Variants in CIB2 observed in about 807,000 individuals in gnomAD.
CIB2 encodes the protein calcium and integrin binding family member 2, also known as calcium and integrin-binding family member 2.
Under a neutral mutation model 23.1 loss-of-function variants are expected in CIB2, and 19 were observed. The observed-to-expected ratio is 0.82, with a 90% CI of 0.57 to 1.21. CIB2 has a LOEUF of 1.21. Among genes scored for constraint, CIB2 ranks in the 50% most tolerant of loss-of-function variants. The pLI is 0.00. For missense variants in CIB2, 220 were observed against 241.5 expected (o/e 0.91, Z 0.59); for synonymous variants, 94 against 91.7 (o/e 1.03, Z -0.14).
chr15:78,113,771 C>T (rs2074196862), intron 2 of CIB2, among the ~76,000 whole-genome samples: 1 of 152,166 alleles, frequency 6.6e-6, no homozygotes, highest in South Asian at 2.1e-4. Context: ...ACCTCATGAT[C>T]CGCCCACCTC....
chr15:78,105,413 G>T, intron 5 of CIB2, 81 bp from the exon 6 acceptor site: 1 of 1,599,958 alleles, frequency 6.3e-7, no homozygotes, highest in Admixed American at 1.7e-5. Flanking sequence ...AGCACAGCAG[G>T]CCCCAGCCCC....
intron 5 of CIB2, 73 bp downstream of exon 5, chr15:78,105,665 TA>T (rs2074055893): frequency 1.3e-5 from 21 of 1,607,128 alleles, no homozygotes; most frequent in Non-Finnish European, 1.8e-5. Flanking sequence ...TAGCGAGTGA[TA>T]GGGGCCTCAG....
At chr15:78,107,211 G>A (rs923305797) in intron 4 of CIB2, among the ~76,000 whole-genome samples, 3 of 152,070 alleles carry the variant, frequency 2.0e-5, no homozygotes, top group Non-Finnish European at 2.9e-5. Context: ...CTCCAGCCTC[G>A]TTGACAGAGC....
intron 2 of CIB2, among the ~76,000 whole-genome samples, chr15:78,123,275 A>T (rs1468936399): frequency 6.6e-6 from 1 of 152,028 alleles, no homozygotes; most frequent in Admixed American, 6.5e-5. Context: ...ACAGACAGGG[A>T]CTCCCTGCTA....
intron 2 of CIB2, among the ~76,000 whole-genome samples, chr15:78,112,794 C>A (rs1218093643): frequency 6.6e-6 from 1 of 152,176 alleles, no homozygotes; most frequent in Non-Finnish European, 1.5e-5. Flanking sequence ...ACACCCCAGG[C>A]CCACCTTTAT....
At chr15:78,114,350 C>G (rs1174920101) in intron 2 of CIB2, among the ~76,000 whole-genome samples, 1 of 151,982 alleles carries the variant, frequency 6.6e-6, no homozygotes, top group East Asian at 1.9e-4. Context: ...ATTTGAAAAC[C>G]CAAATCACTG....
rs942499314 is a variant in CIB2 at position 78,108,514 on chromosome 15, C to T, written c.346+721G>A. On this transcript the variant is annotated intron_variant, in intron 4 of 5. Coordinates refer to ENST00000258930, the MANE Select transcript of CIB2 (RefSeq NM_006383.4). ...GAGTCCTTGGCTCATGAGTGCCCGC[C>T]GCCCTCTGGTGGCTGGTGAGACAGC... 5.3e-5 allele frequency among the ~76,000 whole-genome samples: 8 copies of T among 152,262 alleles called. No individual in the cohort carries two copies. The South Asian group carries it at 8.3e-4, about 16-fold the overall frequency.
At chr15:78,111,785 C>T (rs976028194) in intron 2 of CIB2, among the ~76,000 whole-genome samples, 1 of 152,114 alleles carries the variant, frequency 6.6e-6, no homozygotes, top group African/African-American at 2.4e-5. Context: ...GGGTTGAGCC[C>T]AAGATGGGAA....
chr15:78,122,037 C>T (rs1413763364), intron 2 of CIB2, among the ~76,000 whole-genome samples: 1 of 152,220 alleles, frequency 6.6e-6, no homozygotes, highest in Non-Finnish European at 1.5e-5. Flanking sequence ...TTCACCCACA[C>T]ACTCTTCATA....
rs1277142012 is a variant in CIB2 at position 78,131,114 on chromosome 15, G to A, written c.51+51C>T. The A allele has an allele frequency of 3.4e-6, 5 of 1,489,768 alleles. No individual in the cohort carries two copies. The South Asian group carries it at 6.0e-5, about 18-fold the overall frequency. 92.3% of individuals were successfully genotyped at this position (1,489,768 alleles called of 1,614,324 possible). On this transcript the variant is annotated intron_variant, in intron 1 of 5. Transcript: ENST00000258930. The surrounding 1 kb of genome is among the most constrained non-coding windows in gnomAD (Gnocchi z 5.8). ...TCGGCCAGCGACCGAGAAAAGGGAG[G>A]GGCGGCGGGGCGGCGGGGCCTGTGT... is the stretch of plus-strand genomic sequence containing the variant.
intron 4 of CIB2, among the ~76,000 whole-genome samples, chr15:78,108,025 A>C (rs1326935957): frequency 2.6e-5 from 4 of 151,940 alleles, no homozygotes; most frequent in Non-Finnish European, 5.9e-5. Context: ...TACAAAAATT[A>C]GCCAGGTGTA....
At chr15:78,109,058 C>T (rs1055100375) in intron 4 of CIB2, among the ~76,000 whole-genome samples, 177 bp downstream of exon 4, 1 of 152,220 alleles carries the variant, frequency 6.6e-6, no homozygotes, top group East Asian at 1.9e-4. Flanking sequence ...TCACAGATGT[C>T]TCTCAGGGAC....
At chr15:78,126,331 G>C (rs144711717) in intron 1 of CIB2, among the ~76,000 whole-genome samples, 2 of 152,240 alleles carry the variant, frequency 1.3e-5, no homozygotes, top group Non-Finnish European at 2.9e-5. Context: ...TTAGTATAGA[G>C]ATGGGGTTTC....
In CIB2 at chr15:78,109,270, C is replaced by T. The variant is rs200697103; in HGVS notation, c.311G>A (p.Arg104Gln). 2.7e-4 allele frequency: 434 copies of T among 1,590,174 alleles called. No individual in the cohort carries two copies. Among genetic ancestry groups the T allele is most frequent in the Middle Eastern group, 3.4e-4 (2 of 5,896 alleles). Residue 104 changes from arginine to glutamine, a missense_variant, in exon 4 of 6, where the codon CGA (arginine) becomes CAA (glutamine). Transcript: ENST00000258930. ...MFSVLCESAP[R>Q]ELKANYAFKI... ...GAAGGCATAGTTTGCCTTGAGCTCTCGGGGAGCCGACTCGCAGAGCACGGA... is the reference window on the plus strand; with the variant it reads ...GAAGGCATAGTTTGCCTTGAGCTCTTGGGGAGCCGACTCGCAGAGCACGGA...
At chr15:78,105,405 C>T in intron 5 of CIB2, 73 bp from the exon 6 acceptor site, 3 of 1,604,910 alleles carry the variant, frequency 1.9e-6, no homozygotes, top group Non-Finnish European at 2.6e-6. Flanking sequence ...CAGGGAAAAG[C>T]ACAGCAGGCC....
intron 3 of CIB2, among the ~76,000 whole-genome samples, chr15:78,110,218 T>A (rs1193469015): frequency 6.6e-6 from 1 of 152,182 alleles, no homozygotes; most frequent in Admixed American, 6.5e-5. Context: ...AGCCCTTCCA[T>A]CCCAACTGAG....
chr15:78,107,687 G>A (rs1238270394), intron 4 of CIB2, among the ~76,000 whole-genome samples: 3 of 152,310 alleles, frequency 2.0e-5, no homozygotes, highest in East Asian at 3.9e-4. Context: ...ACAGCAGCCC[G>A]TCCCAGGAGC....
intron 2 of CIB2, among the ~76,000 whole-genome samples, chr15:78,122,275 G>A (rs1231297664): frequency 1.3e-5 from 2 of 152,200 alleles, no homozygotes; most frequent in African/African-American, 2.4e-5. Flanking sequence ...GAGGAGAGGC[G>A]AAGGACACTC....
chr15:78,115,970 T>C (rs1158026489), intron 2 of CIB2, among the ~76,000 whole-genome samples: 1 of 151,938 alleles, frequency 6.6e-6, no homozygotes, highest in African/African-American at 2.4e-5. Flanking sequence ...GAGTTCTGCA[T>C]ATGTGAGTCA....
Sources: gnomAD v4.1 joint callset for allele counts (sites outside exome capture counted in the v4.1 genomes callset) on GRCh38, gnomAD v4.1.1 for gene constraint, Gnocchi (gnomAD v3.1) non-coding constraint, MANE v1.5 for transcripts, NCBI Gene and HGNC (gene_info 2026-07-23, HGNC 2026-07-21) for gene names.